Variants in MTHFD1L observed in about 807,000 individuals in gnomAD.
MTHFD1L encodes the protein monofunctional C1-tetrahydrofolate synthase, mitochondrial.
Under a neutral mutation model 119.5 loss-of-function variants are expected in MTHFD1L, and 81 were observed. The observed-to-expected ratio is 0.68, with a 90% CI of 0.57 to 0.82. The LOEUF is 0.82. Ranked by LOEUF, MTHFD1L falls within the 40% of genes least tolerant of loss-of-function variation. MTHFD1L has a pLI of 0.00. For missense variants in MTHFD1L, 1,125 were observed against 1,253.4 expected, an observed-to-expected ratio of 0.90 and a Z score of 1.55; for synonymous variants, 430 against 475.2, an observed-to-expected ratio of 0.90 and a Z score of 1.24.
At position 150,926,749 on chromosome 6, in the gene MTHFD1L, A is replaced by G. The variant is rs762284476; in HGVS notation, c.1256+454A>G. On this transcript the variant is annotated intron_variant, in intron 11 of 27. Coordinates refer to ENST00000367321, the MANE Select transcript of MTHFD1L (RefSeq NM_015440.5). The surrounding 1 kb of genome is among the most constrained non-coding windows in gnomAD (Gnocchi z 4.3). ...ATCTTACCTACATATTCACATTTCA[A>G]AAGCTCATTATTTCCCTTTTTCTGC... Among the ~76,000 whole-genome samples, 1 of 152,216 alleles carries G rather than the reference A, an allele frequency of 6.6e-6. No homozygotes were observed. Among genetic ancestry groups the G allele is most frequent in the Non-Finnish European group, 1.5e-5 (1 of 68,040 alleles).
At chr6:151,053,859 C>CA (rs202176337) in intron 26 of MTHFD1L, among the ~76,000 whole-genome samples, 2,356 of 75,368 alleles carry the variant, frequency 0.031, 46 homozygotes, top group African/African-American at 0.08. Flanking sequence ...GACTCCATCT[C>CA]AAAAAAAAAA....
rs1554282533 is a variant in MTHFD1L at position 151,019,216 on chromosome 6, CTCTGATCATGCCA to C, written c.2586+3540_2586+3552del. 5.3e-4 allele frequency among the ~76,000 whole-genome samples: 80 copies of C among 152,094 alleles called. 1 individual carries two copies. In the Middle Eastern group the frequency reaches 0.01, roughly 20 times the overall value. ...CCCCCAGATCCTGCTGTGAGTGTGC[CTCTGATCATGCCA>C]TCTGATCATGCCATCTTGCCGTCTG... is the stretch of plus-strand genomic sequence containing the variant. On this transcript the variant is annotated intron_variant, in intron 24 of 27. Coordinates refer to ENST00000367321, the MANE Select transcript of MTHFD1L (RefSeq NM_015440.5).
chr6:151,065,960 G>A (rs975076114), intron 26 of MTHFD1L, among the ~76,000 whole-genome samples: 13 of 152,186 alleles, frequency 8.5e-5, no homozygotes, highest in African/African-American at 3.1e-4. Flanking sequence ...GGTGTATGTT[G>A]GAGTCCATGA....
In MTHFD1L at chr6:151,051,275, T is replaced by C. The variant is rs558383959; in HGVS notation, c.2847+14158T>C. On this transcript the variant is annotated intron_variant, in intron 26 of 27. Coordinates refer to ENST00000367321, the MANE Select transcript of MTHFD1L (RefSeq NM_015440.5). ...ATGATAGCACACCCACCAGATTGGA[T>C]CGTGGGGCCATATGGCCTTTAGTGT... is the stretch of plus-strand genomic sequence containing the variant. 2.6e-5 allele frequency among the ~76,000 whole-genome samples: 4 copies of C among 152,266 alleles called. No individual in the cohort carries two copies. The East Asian group carries it at 7.7e-4, about 29-fold the overall frequency.
At chr6:151,069,851 C>T (rs1051248749) in intron 26 of MTHFD1L, among the ~76,000 whole-genome samples, 1 of 152,198 alleles carries the variant, frequency 6.6e-6, no homozygotes, top group Non-Finnish European at 1.5e-5. Context: ...GATCCCTCAA[C>T]GAGTCCCAGT....
chr6:150,951,450 GT>G (rs1384644585), intron 16 of MTHFD1L, among the ~76,000 whole-genome samples: 2 of 152,272 alleles, frequency 1.3e-5, no homozygotes, highest in Middle Eastern at 3.4e-3. Context: ...ACTATTCATA[GT>G]TTTTTGTGTG....
chr6:151,069,251 TTCTCTCTCTC>T (rs371324778), intron 26 of MTHFD1L, among the ~76,000 whole-genome samples: 85 of 136,592 alleles, frequency 6.2e-4, no homozygotes, highest in Non-Finnish European at 1.2e-3. Flanking sequence ...TTCTCTCTCT[TTCTCTCTCTC>T]TCTCTCTCTC....
chr6:151,048,806 CTG>C (rs1338749713), intron 26 of MTHFD1L, among the ~76,000 whole-genome samples: 1 of 152,204 alleles, frequency 6.6e-6, no homozygotes, highest in Non-Finnish European at 1.5e-5. Flanking sequence ...AAACAGCAAA[CTG>C]TTTTTCCCTT....
rs757013748 is a variant in MTHFD1L, at chr6:151,058,297, C to T, written c.2847+21180C>T. Among the ~76,000 whole-genome samples the T allele has an allele frequency of 7.2e-5, 11 of 152,164 alleles. No homozygotes were observed. The South Asian group carries it at 8.3e-4, about 11-fold the overall frequency. On this transcript the variant is annotated intron_variant, in intron 26 of 27. Coordinates refer to ENST00000367321, the MANE Select transcript of MTHFD1L (RefSeq NM_015440.5). ...TGGGTGGGTCAGGGCCAGCTGGGGC[C>T]GTGCCGGGGCTCTGAGTGGAGGAGG...
intron 25 of MTHFD1L, among the ~76,000 whole-genome samples, chr6:151,035,318 A>G (rs1403560052): frequency 6.6e-6 from 1 of 152,184 alleles, no homozygotes; most frequent in Non-Finnish European, 1.5e-5. Flanking sequence ...GTGTAGTCGG[A>G]TAGATAGCAG....
rs138987699 is a variant in MTHFD1L, at chr6:151,001,655, G to A, written c.2126-8164G>A. Among the ~76,000 whole-genome samples the A allele has an allele frequency of 1.6e-3, 246 of 152,224 alleles. 4 individuals carry two copies. The highest frequency in any genetic ancestry group is 5.7e-3 in the African/African-American group (237 of 41,530). ...GGGATCTGATCACTCGGCTGGGAGT[G>A]GGTAAAATACCTGGACCTCAGGAGG... is the stretch of plus-strand genomic sequence containing the variant. On this transcript the variant is annotated intron_variant, in intron 20 of 27. Coordinates refer to ENST00000367321, the MANE Select transcript of MTHFD1L (RefSeq NM_015440.5).
chr6:150,867,993 T>C (rs193133869), intron 1 of MTHFD1L, among the ~76,000 whole-genome samples: 2 of 152,016 alleles, frequency 1.3e-5, no homozygotes, highest in African/African-American at 4.8e-5. Flanking sequence ...AGACAGGATG[T>C]CTCACCATGT....
rs759965831 is a variant in MTHFD1L at position 150,936,799 on chromosome 6, CT to C, written c.1257-4del. 1 of 1,611,256 alleles carries C rather than the reference CT, an allele frequency of 6.2e-7. No homozygotes were observed. Among genetic ancestry groups the C allele is most frequent in the Admixed American group, 1.7e-5 (1 of 59,814 alleles). On this transcript the variant is annotated splice_region_variant and splice_polypyrimidine_tract_variant and intron_variant, in intron 11 of 27. Transcript: ENST00000367321. ...ATAAAATTCACTTTCTCCCCCCGAA[CT>C]CAGGATCACACCCACCCCTCTTGGA...
In MTHFD1L at chr6:151,010,054, AGT is replaced by A. The variant is rs1312554393; in HGVS notation, c.2265+97_2265+98del. On this transcript the variant is annotated intron_variant, in intron 21 of 27. Transcript: ENST00000367321. ...AAATTCCTGCCCATTTAATGACTAT[AGT>A]TTTCTAGAGTATTTTTCTTAAAACT... The A allele has an allele frequency of 8.7e-6, 12 of 1,372,486 alleles. No homozygotes were observed. In the Admixed American group the frequency reaches 4.0e-4, roughly 46 times the overall value. 85.0% of individuals were successfully genotyped at this position (1,372,486 alleles called of 1,614,324 possible).
intron 4 of MTHFD1L, 133 bp from the exon 5 acceptor site, chr6:150,882,629 C>A: frequency 1.6e-6 from 1 of 631,806 alleles, no homozygotes; most frequent in Non-Finnish European, 2.4e-6. Flanking sequence ...CACCAAGTTT[C>A]CAACAAGGAG....
chr6:150,976,079 AAT>A (rs1334453502), intron 20 of MTHFD1L, among the ~76,000 whole-genome samples: 1 of 152,188 alleles, frequency 6.6e-6, no homozygotes, highest in Non-Finnish European at 1.5e-5. Context: ...CGCATGATGT[AAT>A]ATCAGCTACT....
chr6:151,024,160 A>G (rs889457157), intron 24 of MTHFD1L, among the ~76,000 whole-genome samples: 2 of 152,026 alleles, frequency 1.3e-5, no homozygotes, highest in Non-Finnish European at 2.9e-5. Context: ...CGAGCGTTGC[A>G]CCTGTATTCA....
chr6:150,960,084 C>T (rs116344633), intron 17 of MTHFD1L, among the ~76,000 whole-genome samples, 191 bp from the exon 18 acceptor site: 3,997 of 152,244 alleles, frequency 0.026, 190 homozygotes, highest in African/African-American at 0.091. Flanking sequence ...TGGGAGGCCA[C>T]CCTAGGGAGC....
intron 26 of MTHFD1L, among the ~76,000 whole-genome samples, chr6:151,062,331 G>A (rs1179546680): frequency 2.0e-5 from 3 of 152,112 alleles, no homozygotes; most frequent in Non-Finnish European, 2.9e-5. Context: ...CCAGCTACTC[G>A]GGAGGCTGAG....
Sources: gnomAD v4.1 joint callset for allele counts (sites outside exome capture counted in the v4.1 genomes callset) on GRCh38, gnomAD v4.1.1 for gene constraint, Gnocchi (gnomAD v3.1) non-coding constraint, MANE v1.5 for transcripts, NCBI Gene and HGNC (gene_info 2026-07-23, HGNC 2026-07-21) for gene names.